The following MROH2A variants were observed in gnomAD, a reference collection of about 807,000 sequenced individuals.
MROH2A encodes the protein maestro heat-like repeat-containing protein family member 2A.
MROH2A carries 174 observed loss-of-function variants against 200.4 expected under a neutral mutation model. The observed-to-expected ratio is 0.87, with a 90% confidence interval of 0.77 to 0.98. The LOEUF is 0.98. MROH2A is among the 50% of genes least tolerant of loss of function. The probability of loss-of-function intolerance (pLI) is 0.00; values close to 1 mark genes in which losing one functional copy is unlikely to be tolerated. For synonymous variants in MROH2A, 829 were observed against 840.4 expected (o/e 0.99, Z 0.23); for missense variants, 2,045 against 2,139.6 (o/e 0.96, Z 0.87).
chr2:233,829,375 A>C (rs1380074090), intron 37 of MROH2A, among the ~76,000 whole-genome samples: 1 of 152,044 alleles, frequency 6.6e-6, no homozygotes, highest in Non-Finnish European at 1.5e-5. Context: ...GGCCTCTGCT[A>C]GGCAGGGCTG....
upstream of MROH2A, chr2:233,775,765 A>T (rs1233084381): frequency 1.3e-5 from 2 of 152,242 alleles, no homozygotes; most frequent in Non-Finnish European, 2.9e-5. Context: ...TGGGTGAGTC[A>T]TATGGTTTGG....
chr2:233,798,734 G>A, intron 11 of MROH2A, 40 bp from the exon 12 acceptor site: 1 of 1,482,312 alleles, frequency 6.7e-7, no homozygotes, highest in South Asian at 1.2e-5. Context: ...ACCTCTCCCT[G>A]AGCCACAGCC....
intron 40 of MROH2A, 148 bp downstream of exon 40, chr2:233,832,427 A>G (rs1559489951): frequency 5.3e-6 from 5 of 948,002 alleles, no homozygotes; most frequent in Admixed American, 2.1e-5. Flanking sequence ...TGTGCTTTCT[A>G]TCCCGTTTTG....
Position 233,807,506 on chromosome 2 carries a change from G to T in MROH2A, c.2136G>T (p.Leu712=), listed in dbSNP as rs780951966. 3 of 1,550,638 alleles carry T rather than the reference G, an allele frequency of 1.9e-6. No homozygotes were observed. The highest frequency in any genetic ancestry group is 4.9e-5 in the East Asian group (2 of 40,926). Residue 712 remains leucine, a synonymous_variant, in exon 20 of 42, where the codon CTG becomes CTT. Coordinates refer to ENST00000389758, the MANE Select transcript of MROH2A (RefSeq NM_001394639.1). This position sits in a 1 kb window ranked among gnomAD's most constrained non-coding sequence, Gnocchi z 4.3. ...SKVEVLLLEL[L]YKTDYSNDFD... is the part of the protein sequence containing the mutation. ...TGGAGGTCCTGCTGTTGGAGCTGCT[G>T]TACAAGACGGACTACAGCAATGACT...
intron 25 of MROH2A, 51 bp from the exon 26 acceptor site, chr2:233,814,531 G>A (rs1238127643): frequency 2.2e-6 from 3 of 1,373,634 alleles, no homozygotes; most frequent in Non-Finnish European, 2.0e-6. Flanking sequence ...AGGGAGGGGG[G>A]TTGTGGGTGC....
At position 233,822,026 on chromosome 2, in the gene MROH2A, A is replaced by G. The variant is rs372362060; in HGVS notation, c.3513-98A>G. The G allele has an allele frequency of 3.0e-5, 42 of 1,393,156 alleles. 1 individual carries two copies. Among genetic ancestry groups the G allele is most frequent in the Middle Eastern group, 2.0e-4 (1 of 4,900 alleles). The allele number at this position is 1,393,156 out of a possible 1,614,324, so 86.3% of individuals were successfully genotyped here. ...CCTGAGATTCAGTCCCCAGAGTCCA[A>G]CCCCTACTTAGGGGGCTGCCAAGGG... On this transcript the variant is annotated intron_variant, in intron 31 of 41. Transcript: ENST00000389758.
At chr2:233,793,870 A>G in intron 7 of MROH2A, 46 bp downstream of exon 7, 1 of 1,350,656 alleles carries the variant, frequency 7.4e-7, no homozygotes, top group Non-Finnish European at 9.6e-7. Context: ...CCCAGGCCAC[A>G]GCTCCCCAGC....
intron 11 of MROH2A, among the ~76,000 whole-genome samples, chr2:233,796,518 C>A (rs1177070099): frequency 1.3e-5 from 2 of 152,126 alleles, no homozygotes; most frequent in Non-Finnish European, 2.9e-5. Context: ...CACACCCAAC[C>A]CTCTGAGTCC....
chr2:233,816,966 G>A, intron 27 of MROH2A, 81 bp downstream of exon 27: 1 of 838,850 alleles, frequency 1.2e-6, no homozygotes. Context: ...GAAGATGAGG[G>A]AACACTTATG....
chr2:233,802,458 G>A, intron 15 of MROH2A, 143 bp downstream of exon 15: 1 of 901,734 alleles, frequency 1.1e-6, no homozygotes, highest in East Asian at 2.7e-5. Flanking sequence ...TACTATTAAT[G>A]CCTACCTGGA....
At chr2:233,822,631 G>C in intron 33 of MROH2A, 75 bp downstream of exon 33, 1 of 1,434,936 alleles carries the variant, frequency 7.0e-7, no homozygotes. Context: ...TTAGTTGCCA[G>C]TGGACTCCAG....
chr2:233,796,185 C>G lies in MROH2A; in HGVS notation c.1139-15C>G. 10 of 1,542,004 alleles carry G rather than the reference C, an allele frequency of 6.5e-6. No homozygotes were observed. Among genetic ancestry groups the G allele is most frequent in the East Asian group, 2.4e-5 (1 of 40,888 alleles). On this transcript the variant is annotated splice_polypyrimidine_tract_variant and intron_variant, in intron 10 of 41. Transcript: ENST00000389758. ...ACCCGGTGAGCATGACTAAAGCTGT[C>G]CTTCCACCCTGCAGCTCGCTCCTAC...
At chr2:233,785,375 A>C (rs1011178352) in intron 3 of MROH2A, among the ~76,000 whole-genome samples, 2 of 148,332 alleles carry the variant, frequency 1.3e-5, no homozygotes, top group Admixed American at 1.4e-4. Flanking sequence ...AGATGGGAGC[A>C]TTGTTTGAGC....
intron 26 of MROH2A, among the ~76,000 whole-genome samples, chr2:233,815,416 C>T (rs1580835): frequency 0.015 from 2,320 of 152,204 alleles, 40 homozygotes; most frequent in Non-Finnish European, 0.023. Flanking sequence ...TTGACGAAGT[C>T]GAATTTATCT....
At position 233,816,870 on chromosome 2, in the gene MROH2A, C is replaced by T. The variant is rs555370476; in HGVS notation, c.2946C>T (p.His982=). ...LHLYLMWIYV[H]STAVCIHLKL... is the part of the protein sequence containing the mutation. ...TCTATCTCATGTGGATTTATGTCCA[C>T]AGCACTGCTGTCTGTGTGAGTCCAG... Residue 982 remains histidine, a synonymous_variant, in exon 27 of 42, where the codon CAC becomes CAT. Transcript: ENST00000389758. The T allele has an allele frequency of 4.3e-5, 67 of 1,547,370 alleles. 1 individual carries two copies. The highest frequency in any genetic ancestry group is 1.7e-4 in the Middle Eastern group (1 of 5,912).
intron 11 of MROH2A, 121 bp downstream of exon 11, chr2:233,796,434 C>G: frequency 1.6e-6 from 1 of 644,370 alleles, no homozygotes; most frequent in Non-Finnish European, 2.7e-6. Flanking sequence ...CTGGGTGGGC[C>G]AAGAAAGCCA....
chr2:233,832,247 C>T lies in MROH2A; in HGVS notation c.4805C>T (p.Ser1602Leu). ...ETMAYVKNNL[S>L]RIRIAACNLA... ...ATGGCCTATGTTAAAAATAACTTGT[C>T]AAGAATCAGAATCGCTGCTTGCAAC... The change falls in exon 40 of 42, where the codon TCA becomes TTA. Residue 1602 changes from serine to leucine, a missense_variant. Physicochemically the swap from Ser to Leu is moderately radical, Grantham distance 145. Coordinates refer to ENST00000389758, the MANE Select transcript of MROH2A (RefSeq NM_001394639.1). The T allele has an allele frequency of 6.4e-7, 1 of 1,550,834 alleles. No individual in the cohort carries two copies. The highest frequency in any genetic ancestry group is 8.7e-7 in the Non-Finnish European group (1 of 1,147,098).
At chr2:233,825,921 C>CTTTT (rs34849761) in intron 35 of MROH2A, among the ~76,000 whole-genome samples, 995 of 95,192 alleles carry the variant, frequency 0.01, 21 homozygotes, top group African/African-American at 0.014. Context: ...TTTCTTTTTC[C>CTTTT]TTTTTTTTTT....
At chr2:233,790,495 C>G (rs1282519506) in intron 5 of MROH2A, among the ~76,000 whole-genome samples, 1 of 56,738 alleles carries the variant, frequency 1.8e-5, no homozygotes, top group Non-Finnish European at 2.9e-5. Flanking sequence ...CTCCCTCCTT[C>G]CTTCCTTTCC....
Sources: gnomAD v4.1 joint callset for allele counts (sites outside exome capture counted in the v4.1 genomes callset) on GRCh38, gnomAD v4.1.1 for gene constraint, Gnocchi (gnomAD v3.1) non-coding constraint, MANE v1.5 for transcripts, NCBI Gene and HGNC (gene_info 2026-07-23, HGNC 2026-07-21) for gene names.